The following STT3B variants were observed in gnomAD, a reference collection of about 807,000 sequenced individuals.
STT3B encodes dolichyl-diphosphooligosaccharide--protein glycosyltransferase subunit STT3B.
In STT3B, 29 loss-of-function variants were observed where a neutral mutation model predicts 96.8. The observed-to-expected ratio is 0.30, with a 90% CI of 0.22 to 0.41. STT3B has a LOEUF of 0.41. Among genes scored for constraint, STT3B ranks in the 10% least tolerant of loss-of-function variants. The pLI is 1.00. For missense variants in STT3B, 640 were observed against 1,022.3 expected (o/e 0.63, Z 5.10); for synonymous variants, 367 against 360.0 (o/e 1.02, Z -0.22).
intron 1 of STT3B, among the ~76,000 whole-genome samples, chr3:31,550,711 T>G (rs1258105688): frequency 6.6e-6 from 1 of 152,226 alleles, no homozygotes; most frequent in African/African-American, 2.4e-5. Context: ...AAATTGGCTA[T>G]GTTTAATGTG....
In STT3B at chr3:31,637,538, T is replaced by A. The variant is rs1360243798; in HGVS notation, c.*1474T>A. The A allele has an allele frequency of 6.6e-6, 1 of 152,212 alleles. No individual in the cohort carries two copies. Among genetic ancestry groups the A allele is most frequent in the Non-Finnish European group, 1.5e-5 (1 of 68,022 alleles). 9.4% of individuals were successfully genotyped at this position (152,212 alleles called of 1,614,324 possible). A position where few individuals can be genotyped will look rare whatever the true frequency, so the allele number is the denominator to read the frequency against. ...TCTGATACCTTGTCATTTGGGGGAT[T>A]TTATTTTACTTTGTTGCTTTAAAAT... On this transcript the variant is annotated 3_prime_UTR_variant, in exon 16 of 16. Transcript: ENST00000295770.
At chr3:31,544,653 G>T (rs75445171) in intron 1 of STT3B, among the ~76,000 whole-genome samples, 240 of 152,294 alleles carry the variant, frequency 1.6e-3, no homozygotes, top group Non-Finnish European at 2.7e-3. Context: ...AGCAGGGTTT[G>T]TTGAAGACAT....
chr3:31,634,002 A>G (rs1347816997), intron 15 of STT3B, among the ~76,000 whole-genome samples: 1 of 152,198 alleles, frequency 6.6e-6, no homozygotes, highest in East Asian at 1.9e-4. Context: ...TACATCAAAT[A>G]TATTCAAAAT....
At chr3:31,599,448 G>GA (rs1175435072) in intron 4 of STT3B, among the ~76,000 whole-genome samples, 1 of 152,104 alleles carries the variant, frequency 6.6e-6, no homozygotes, top group East Asian at 1.9e-4. Context: ...TGTTTTTTGT[G>GA]AAAAATAGCA....
chr3:31,622,801 G>T (rs891863302), intron 10 of STT3B, among the ~76,000 whole-genome samples: 12 of 152,156 alleles, frequency 7.9e-5, no homozygotes, highest in Non-Finnish European at 1.3e-4. Context: ...TTAGCAATAG[G>T]TAACTGGCCA....
chr3:31,633,199 A>G, intron 15 of STT3B, 52 bp downstream of exon 15: 2 of 1,486,456 alleles, frequency 1.3e-6, no homozygotes, highest in Non-Finnish European at 1.8e-6. Flanking sequence ...GTTGGTTTGT[A>G]TGAAAAAGAA....
intron 1 of STT3B, among the ~76,000 whole-genome samples, chr3:31,563,527 G>A (rs1483876751): frequency 6.6e-6 from 1 of 152,160 alleles, no homozygotes; most frequent in Non-Finnish European, 1.5e-5. Context: ...AGTGTTTGAT[G>A]TGTTTGTAGA....
intron 13 of STT3B, among the ~76,000 whole-genome samples, chr3:31,627,788 G>C (rs767827586): frequency 6.6e-6 from 1 of 152,152 alleles, no homozygotes; most frequent in Non-Finnish European, 1.5e-5. Flanking sequence ...TGTTAAAACT[G>C]TGACATGTGA....
intron 8 of STT3B, among the ~76,000 whole-genome samples, chr3:31,618,341 T>A (rs2125473656): frequency 6.6e-6 from 1 of 152,166 alleles, no homozygotes; most frequent in Middle Eastern, 3.4e-3. Flanking sequence ...TTCTTAAGGA[T>A]ACTGTTTAAT....
At chr3:31,541,535 T>TGACC (rs1697268910) in intron 1 of STT3B, among the ~76,000 whole-genome samples, 1 of 151,706 alleles carries the variant, frequency 6.6e-6, no homozygotes, top group Non-Finnish European at 1.5e-5. Flanking sequence ...AAAGGATTGT[T>TGACC]GACAATATGT....
At chr3:31,630,633 G>A (rs1332711771) in intron 14 of STT3B, among the ~76,000 whole-genome samples, 1 of 152,110 alleles carries the variant, frequency 6.6e-6, no homozygotes, top group Non-Finnish European at 1.5e-5. Context: ...ACTGAAAACT[G>A]CTTATTTCTG....
intron 3 of STT3B, among the ~76,000 whole-genome samples, chr3:31,581,607 C>T (rs7355821): frequency 6.6e-6 from 1 of 151,988 alleles, no homozygotes; most frequent in African/African-American, 2.4e-5. Flanking sequence ...TAGTATTTTC[C>T]TAAGGATTTA....
intron 14 of STT3B, among the ~76,000 whole-genome samples, chr3:31,629,961 A>G (rs913333592): frequency 6.6e-6 from 1 of 152,208 alleles, no homozygotes; most frequent in Non-Finnish European, 1.5e-5. Flanking sequence ...AGAAAGAAGA[A>G]ACAATGGACT....
intron 1 of STT3B, among the ~76,000 whole-genome samples, chr3:31,567,250 C>T (rs185855876): frequency 1.2e-4 from 18 of 152,318 alleles, no homozygotes; most frequent in African/African-American, 3.1e-4. Context: ...TGCTCCACCT[C>T]GCTGCCTTTT....
intron 1 of STT3B, among the ~76,000 whole-genome samples, chr3:31,543,670 TAGA>T (rs1697335667): frequency 6.6e-6 from 1 of 152,212 alleles, no homozygotes; most frequent in Non-Finnish European, 1.5e-5. Flanking sequence ...TTATTCTTTA[TAGA>T]AGAAGGGAAG....
At chr3:31,593,204 T>TA (rs1359225062) in intron 3 of STT3B, among the ~76,000 whole-genome samples, 1 of 152,244 alleles carries the variant, frequency 6.6e-6, no homozygotes, top group African/African-American at 2.4e-5. Flanking sequence ...TTATTCCCAT[T>TA]ACTTTTAATG....
intron 9 of STT3B, among the ~76,000 whole-genome samples, chr3:31,621,649 ATTAATAACT>A (rs1222748777): frequency 6.6e-6 from 1 of 152,154 alleles, no homozygotes; most frequent in Non-Finnish European, 1.5e-5. Context: ...TCCTCCTTTG[ATTAATAACT>A]TACGTTCTTC....
chr3:31,554,642 G>C (rs1324289550), intron 1 of STT3B, among the ~76,000 whole-genome samples: 1 of 151,928 alleles, frequency 6.6e-6, no homozygotes, highest in Non-Finnish European at 1.5e-5. Flanking sequence ...TCAAGTAGAT[G>C]GCTTTTTATT....
rs72856049 is a variant in STT3B at position 31,602,320 on chromosome 3, A to T, written c.877+1861A>T. ...AGATTAAACTTTTTTTTTTTAAGTT[A>T]AATGGTTACAGTGAAGGAACTAAGA... On this transcript the variant is annotated intron_variant, in intron 5 of 15. Coordinates refer to ENST00000295770, the MANE Select transcript of STT3B (RefSeq NM_178862.3). Among the ~76,000 whole-genome samples, 399 of 152,176 alleles carry T rather than the reference A, an allele frequency of 2.6e-3. 2 individuals carry two copies. The highest frequency in any genetic ancestry group is 9.4e-3 in the African/African-American group (391 of 41,522).
Sources: allele counts gnomAD v4.1 joint callset (sites outside exome capture counted in the v4.1 genomes callset), GRCh38; gene constraint gnomAD v4.1.1; transcripts MANE v1.5; gene names NCBI Gene and HGNC (gene_info 2026-07-23, HGNC 2026-07-21).